TBL1XR1: variants seen among roughly 807,000 people sequenced by gnomAD.
TBL1XR1 encodes the protein F-box-like/WD repeat-containing protein TBL1XR1.
In TBL1XR1, 5 loss-of-function variants were observed where a neutral mutation model predicts 66.9. The observed-to-expected ratio is 0.07, with a 90% CI of 0.04 to 0.16. TBL1XR1 has a LOEUF of 0.16. TBL1XR1 is among the 10% of genes least tolerant of loss of function. The pLI is 1.00. For synonymous variants in TBL1XR1, 210 were observed against 206.0 expected, an observed-to-expected ratio of 1.02 and a Z score of -0.17; for missense variants, 238 against 623.2, an observed-to-expected ratio of 0.38 and a Z score of 6.58.
intron 1 of TBL1XR1, among the ~76,000 whole-genome samples, chr3:177,105,754 T>C (rs1724802736): frequency 6.6e-6 from 1 of 151,984 alleles, no homozygotes; most frequent in Non-Finnish European, 1.5e-5. Flanking sequence ...ATCACTTGCA[T>C]TTAAAATCCT....
At chr3:177,089,019 T>C (rs1722498956) in intron 2 of TBL1XR1, among the ~76,000 whole-genome samples, 1 of 152,218 alleles carries the variant, frequency 6.6e-6, no homozygotes, top group African/African-American at 2.4e-5. Flanking sequence ...TACCACACTC[T>C]TTCTCGGCAG....
At chr3:177,029,497 T>A (rs1713634496) in intron 14 of TBL1XR1, among the ~76,000 whole-genome samples, 2 of 151,972 alleles carry the variant, frequency 1.3e-5, no homozygotes, top group South Asian at 2.1e-4. Flanking sequence ...GGCATGCAGC[T>A]GTGATCCCAG....
At chr3:177,093,768 A>C (rs956238178) in intron 2 of TBL1XR1, among the ~76,000 whole-genome samples, 5 of 152,248 alleles carry the variant, frequency 3.3e-5, no homozygotes, top group Admixed American at 6.5e-5. Flanking sequence ...TTGGCAAGCC[A>C]TATGTAGAAG....
intron 1 of TBL1XR1, among the ~76,000 whole-genome samples, chr3:177,189,026 C>T (rs927011902): frequency 3.4e-5 from 5 of 147,976 alleles, no homozygotes; most frequent in Non-Finnish European, 6.0e-5. Flanking sequence ...GCCAACATAA[C>T]GAAACCCTAT....
At chr3:177,054,011 C>A in intron 3 of TBL1XR1, 93 bp from the exon 4 acceptor site, 1 of 1,326,978 alleles carries the variant, frequency 7.5e-7, no homozygotes, top group South Asian at 1.4e-5. Flanking sequence ...CTTTTCAAAT[C>A]CCATCCTACC....
intron 1 of TBL1XR1, among the ~76,000 whole-genome samples, chr3:177,117,200 TA>T (rs1177964406): frequency 4.6e-5 from 7 of 152,212 alleles, no homozygotes; most frequent in African/African-American, 1.7e-4. Context: ...GGTACTGGAT[TA>T]ATCAAATCTC....
chr3:177,108,717 T>A (rs1296243972), intron 1 of TBL1XR1, among the ~76,000 whole-genome samples: 1 of 152,168 alleles, frequency 6.6e-6, no homozygotes, highest in East Asian at 1.9e-4. Context: ...AAAAATTGTT[T>A]GAATTATGAA....
intron 12 of TBL1XR1, 180 bp downstream of exon 12, chr3:177,037,918 T>C (rs1715045994): frequency 7.0e-6 from 4 of 569,520 alleles, no homozygotes; most frequent in Non-Finnish European, 9.4e-6. Context: ...AATAGTTTTA[T>C]GTATTTCAGA....
At chr3:177,086,163 G>A (rs1722091374) in intron 2 of TBL1XR1, among the ~76,000 whole-genome samples, 1 of 150,106 alleles carries the variant, frequency 6.7e-6, no homozygotes, top group Non-Finnish European at 1.5e-5. Context: ...ACATGAAAAA[G>A]TTAAAAAGAA....
intron 1 of TBL1XR1, among the ~76,000 whole-genome samples, chr3:177,137,433 C>A (rs1729131504): frequency 6.6e-6 from 1 of 152,196 alleles, no homozygotes; most frequent in South Asian, 2.1e-4. Flanking sequence ...GAGGTTGAGG[C>A]AGTGAGCTGT....
chr3:177,091,812 T>C (rs960641179), intron 2 of TBL1XR1, among the ~76,000 whole-genome samples: 1 of 152,222 alleles, frequency 6.6e-6, no homozygotes, highest in African/African-American at 2.4e-5. Flanking sequence ...ATGCATTTCA[T>C]ATGCCTTTCC....
chr3:177,044,272 A>C (rs1168899835), intron 10 of TBL1XR1, among the ~76,000 whole-genome samples: 1 of 152,198 alleles, frequency 6.6e-6, no homozygotes, highest in Non-Finnish European at 1.5e-5. Context: ...ATCTTTGAAC[A>C]ATGTGAGGGT....
chr3:177,113,952 T>G (rs1449926020), intron 1 of TBL1XR1, among the ~76,000 whole-genome samples: 2 of 152,052 alleles, frequency 1.3e-5, no homozygotes, highest in Non-Finnish European at 2.9e-5. Context: ...AAAAAAAAAT[T>G]TAAAACAGAA....
rs1360717923 is a variant in TBL1XR1 at position 177,046,119 on chromosome 3, A to G, written c.925+10T>C. 6.5e-7 allele frequency: 1 copy of G among 1,528,642 alleles called. No homozygotes were observed. The allele number at this position is 1,528,642 out of a possible 1,614,324, so 94.7% of individuals were successfully genotyped here. On this transcript the variant is annotated intron_variant, in intron 10 of 15. Coordinates refer to ENST00000457928, the MANE Select transcript of TBL1XR1 (RefSeq NM_024665.7). ...AGCTCCAGCTTTCACGTAAATTATA[A>G]GAAATTTACCTGAATGAAAAGGAAA...
chr3:177,125,467 C>T (rs2108769019), intron 1 of TBL1XR1, among the ~76,000 whole-genome samples: 1 of 152,246 alleles, frequency 6.6e-6, no homozygotes, highest in South Asian at 2.1e-4. Context: ...TGCTGCAGTC[C>T]TTTGGAAAAC....
At chr3:177,188,603 CCA>C (rs1279795353) in intron 1 of TBL1XR1, among the ~76,000 whole-genome samples, 1 of 152,004 alleles carries the variant, frequency 6.6e-6, no homozygotes, top group Non-Finnish European at 1.5e-5. Context: ...CCCTTGCAGC[CCA>C]GAGTTTTGTT....
chr3:177,083,972 C>T (rs1180419694), intron 2 of TBL1XR1, among the ~76,000 whole-genome samples: 1 of 151,234 alleles, frequency 6.6e-6, no homozygotes, highest in Non-Finnish European at 1.5e-5. Flanking sequence ...CCTGTAATCC[C>T]GGCTACTTGG....
chr3:177,189,532 G>A (rs929930410), intron 1 of TBL1XR1, among the ~76,000 whole-genome samples: 1 of 151,876 alleles, frequency 6.6e-6, no homozygotes, highest in Admixed American at 6.6e-5. Context: ...GCCAGCACCT[G>A]TAATCCCAGC....
chr3:177,042,197 A>AT (rs1188916759), intron 10 of TBL1XR1, among the ~76,000 whole-genome samples: 1 of 152,146 alleles, frequency 6.6e-6, no homozygotes, highest in Non-Finnish European at 1.5e-5. Flanking sequence ...AAAAATTTTA[A>AT]TTTTTTTGGT....
Sources: gnomAD v4.1 joint callset for allele counts (sites outside exome capture counted in the v4.1 genomes callset) on GRCh38, gnomAD v4.1.1 for gene constraint, MANE v1.5 for transcripts, NCBI Gene and HGNC (gene_info 2026-07-23, HGNC 2026-07-21) for gene names.